Variants in METTL8 observed in about 807,000 individuals in gnomAD.
The protein encoded by METTL8 is tRNA N(3)-cytidine methyltransferase METTL8, mitochondrial.
METTL8 carries 32 observed loss-of-function variants against 48.7 expected under a neutral mutation model. The ratio of observed to expected loss-of-function variants is 0.66; its 90% CI spans 0.50 to 0.88. The LOEUF (loss-of-function observed/expected upper bound fraction) is 0.88, where lower values mean the gene tolerates loss of function less well. Ranked by LOEUF, METTL8 falls within the 40% of genes least tolerant of loss-of-function variation. METTL8 has a pLI of 0.00. For synonymous variants in METTL8, 136 were observed against 157.1 expected (o/e 0.87, Z 1.01); for missense variants, 464 against 474.4 (o/e 0.98, Z 0.20).
chr2:171,330,534 A>G lies in METTL8; in HGVS notation c.860+25T>C, dbSNP rs77926990. ...ACTGATAAAGGAGCTTTACACATCC[A>G]CTTTGCCCTTTCGTCTTCATTTACC... On this transcript the variant is annotated intron_variant, in intron 7 of 9. Coordinates refer to ENST00000375258, the MANE Select transcript of METTL8 (RefSeq NM_001321154.2). The G allele has an allele frequency of 1.5e-3, 2,477 of 1,607,892 alleles. 36 individuals carry two copies. In the East Asian group the frequency reaches 0.031, roughly 20 times the overall value.
intron 3 of METTL8, among the ~76,000 whole-genome samples, chr2:171,358,353 G>GAA (rs750007486): frequency 1.8e-4 from 10 of 57,062 alleles, no homozygotes; most frequent in Admixed American, 2.0e-4. Context: ...TCCGTCTCCA[G>GAA]AAAAAAAAAA....
chr2:171,344,542 C>A (rs1687084282), intron 3 of METTL8, among the ~76,000 whole-genome samples: 1 of 152,138 alleles, frequency 6.6e-6, no homozygotes, highest in South Asian at 2.1e-4. Flanking sequence ...ATTGGAGTTA[C>A]CCTTCATTAA....
rs185406221 is a variant in METTL8 at position 171,411,225 on chromosome 2, A to C, written c.-12-19028T>G. 8.1e-4 allele frequency among the ~76,000 whole-genome samples: 123 copies of C among 152,354 alleles called. 1 individual carries two copies. The highest frequency in any genetic ancestry group is 2.9e-3 in the African/African-American group (120 of 41,580). ...ACTGTAAAAATATAAATTCTCACCA[A>C]ATCATCTATAAAATTAAAGTAATTC... is the stretch of plus-strand genomic sequence containing the variant. On this transcript the variant is annotated intron_variant, in intron 1 of 9. Transcript: ENST00000375258.
At chr2:171,346,876 G>A (rs1039152681) in intron 3 of METTL8, among the ~76,000 whole-genome samples, 1 of 152,204 alleles carries the variant, frequency 6.6e-6, no homozygotes, top group Non-Finnish European at 1.5e-5. Flanking sequence ...AGACTGGCAC[G>A]TCTGTGATCC....
chr2:171,352,508 T>G (rs1056186954), intron 3 of METTL8, among the ~76,000 whole-genome samples: 1 of 152,202 alleles, frequency 6.6e-6, no homozygotes, highest in Non-Finnish European at 1.5e-5. Flanking sequence ...GGATTCCCTC[T>G]TTTTCTATTG....
intron 3 of METTL8, among the ~76,000 whole-genome samples, chr2:171,351,834 T>A (rs1016561494): frequency 2.6e-5 from 4 of 152,192 alleles, no homozygotes; most frequent in Admixed American, 6.5e-5. Flanking sequence ...ACTTTGCTGA[T>A]GTTGCTTATC....
intron 2 of METTL8, chr2:171,374,996 G>A (rs1475979393): frequency 3.5e-5 from 35 of 1,013,104 alleles, no homozygotes; most frequent in South Asian, 7.6e-5. Flanking sequence ...GGGGGTGTTC[G>A]GTCTTTGTGG....
chr2:171,397,634 G>T (rs1689242087), intron 1 of METTL8, among the ~76,000 whole-genome samples: 1 of 147,796 alleles, frequency 6.8e-6, no homozygotes, highest in East Asian at 2.0e-4. Flanking sequence ...AAAGTCAAAA[G>T]TTAGTTCTTT....
In METTL8 at chr2:171,356,952, A is replaced by ATGTCTTTTTTTTTTTT; in HGVS notation, c.235+3469_235+3470insAAAAAAAAAAAAGACA. Among the ~76,000 whole-genome samples, 2 of 78,468 alleles carry ATGTCTTTTTTTTTTTT rather than the reference A, an allele frequency of 2.5e-5. 1 individual carries two copies. Among genetic ancestry groups the ATGTCTTTTTTTTTTTT allele is most frequent in the African/African-American group, 8.9e-5 (2 of 22,448 alleles). The allele number at this position is 78,468 out of a possible 152,430, so 51.5% of individuals were successfully genotyped here. A position where few individuals can be genotyped will look rare whatever the true frequency, so the allele number is the denominator to read the frequency against. The stretch of plus-strand genomic sequence containing the variant: ...CAAATTAGCCTTGTTCAAAGACAAT[A>ATGTCTTTTTTTTTTTT]TTTTTTTTTTTTTTTTTGAGACAGG... On this transcript the variant is annotated intron_variant, in intron 3 of 9. Coordinates refer to ENST00000375258, the MANE Select transcript of METTL8 (RefSeq NM_001321154.2).
At chr2:171,408,789 C>A (rs1397999825) in intron 1 of METTL8, among the ~76,000 whole-genome samples, 9 of 152,094 alleles carry the variant, frequency 5.9e-5, no homozygotes, top group Admixed American at 4.6e-4. Flanking sequence ...TGGCATGATA[C>A]CTAACTTCGC....
intron 2 of METTL8, among the ~76,000 whole-genome samples, chr2:171,362,570 T>A: frequency 6.9e-6 from 1 of 145,650 alleles, no homozygotes; most frequent in Admixed American, 6.7e-5. Flanking sequence ...AAAATAAAAA[T>A]AAATAAATAA....
chr2:171,358,306 C>T (rs142105223), intron 3 of METTL8, among the ~76,000 whole-genome samples: 6 of 150,486 alleles, frequency 4.0e-5, no homozygotes, highest in Non-Finnish European at 8.9e-5. Context: ...AGCTGAGATC[C>T]TGCCATTGCA....
intron 5 of METTL8, among the ~76,000 whole-genome samples, chr2:171,333,193 G>T (rs1158737043): frequency 6.6e-6 from 1 of 151,764 alleles, no homozygotes. Context: ...CCGCCTCCTG[G>T]GTTCAAGCAA....
intron 3 of METTL8, among the ~76,000 whole-genome samples, chr2:171,341,335 A>G (rs1205519814): frequency 6.6e-6 from 1 of 151,888 alleles, no homozygotes; most frequent in Non-Finnish European, 1.5e-5. Flanking sequence ...CTCAAAAAAA[A>G]AAAAAAATTA....
intron 2 of METTL8, among the ~76,000 whole-genome samples, chr2:171,378,120 C>T (rs1031978313): frequency 9.9e-5 from 15 of 152,000 alleles, no homozygotes; most frequent in African/African-American, 3.6e-4. Context: ...GGCTAAATGC[C>T]CCAATTAAAA....
At chr2:171,328,184 A>G (rs1685151694) in intron 7 of METTL8, among the ~76,000 whole-genome samples, 1 of 152,136 alleles carries the variant, frequency 6.6e-6, no homozygotes, top group African/African-American at 2.4e-5. Flanking sequence ...ACTTGGGCCA[A>G]CTCTGCTGTC....
At chr2:171,336,314 C>G (rs1427532653) in intron 5 of METTL8, among the ~76,000 whole-genome samples, 1 of 149,062 alleles carries the variant, frequency 6.7e-6, no homozygotes. Flanking sequence ...CCAGGCTGGT[C>G]TCGAACTCCT....
At chr2:171,400,754 T>G (rs1188364094) in intron 1 of METTL8, among the ~76,000 whole-genome samples, 1 of 152,164 alleles carries the variant, frequency 6.6e-6, no homozygotes, top group Non-Finnish European at 1.5e-5. Flanking sequence ...TTAGTTCCAT[T>G]GCTTTTTAAG....
intron 1 of METTL8, among the ~76,000 whole-genome samples, chr2:171,432,530 A>C (rs1559236680): frequency 6.6e-6 from 1 of 152,264 alleles, no homozygotes; most frequent in Non-Finnish European, 1.5e-5. Flanking sequence ...TAAGCCAAAG[A>C]AAACCCAGTT....
Sources: allele counts gnomAD v4.1 joint callset (sites outside exome capture counted in the v4.1 genomes callset), GRCh38; gene constraint gnomAD v4.1.1; transcripts MANE v1.5; gene names NCBI Gene and HGNC (gene_info 2026-07-23, HGNC 2026-07-21).